Variants in TENT2 observed in about 807,000 individuals in gnomAD.
The protein encoded by TENT2 is terminal nucleotidyltransferase 2, also known as poly(A) RNA polymerase GLD2.
A neutral mutation model predicts 72.2 loss-of-function variants in TENT2; 44 were observed. The observed-to-expected ratio is 0.61, with a 90% CI of 0.48 to 0.78. The LOEUF is 0.78. Among genes scored for constraint, TENT2 ranks in the 30% least tolerant of loss-of-function variants. The pLI is 0.00. For synonymous variants in TENT2, 212 were observed against 192.5 expected (o/e 1.10, Z -0.84); for missense variants, 541 against 569.6 (o/e 0.95, Z 0.51).
intron 1 of TENT2, among the ~76,000 whole-genome samples, chr5:79,615,913 A>G (rs1468668342): frequency 6.7e-6 from 1 of 149,500 alleles, no homozygotes; most frequent in Non-Finnish European, 1.5e-5. Context: ...TTTTGAGACG[A>G]AGTCTCGTTT....
At chr5:79,659,305 T>G (rs954305425) in intron 11 of TENT2, among the ~76,000 whole-genome samples, 2 of 151,124 alleles carry the variant, frequency 1.3e-5, no homozygotes, top group Non-Finnish European at 3.0e-5. Flanking sequence ...GAGGCTAAGG[T>G]GGGTGGATCA....
At chr5:79,646,046 CTGTCT>C (rs1331640712) in intron 8 of TENT2, among the ~76,000 whole-genome samples, 1 of 152,164 alleles carries the variant, frequency 6.6e-6, no homozygotes, top group Non-Finnish European at 1.5e-5. Flanking sequence ...AGGTGACACA[CTGTCT>C]TCTTGTTCAG....
intron 7 of TENT2, chr5:79,644,542 G>T (rs570621197): frequency 6.6e-6 from 1 of 152,016 alleles, no homozygotes; most frequent in African/African-American, 2.4e-5. Context: ...TATGATATAT[G>T]TATGTATGTA....
At chr5:79,635,498 A>G (rs1779371007) in intron 4 of TENT2, among the ~76,000 whole-genome samples, 1 of 152,214 alleles carries the variant, frequency 6.6e-6, no homozygotes, top group Non-Finnish European at 1.5e-5. Flanking sequence ...CTACATTAAC[A>G]AGGTCATTCA....
chr5:79,664,025 A>G (rs910152802), intron 11 of TENT2, among the ~76,000 whole-genome samples: 3 of 152,096 alleles, frequency 2.0e-5, no homozygotes, highest in East Asian at 2.0e-4. Context: ...AATAAAAAAT[A>G]TAACAACTAT....
intron 4 of TENT2, among the ~76,000 whole-genome samples, chr5:79,637,438 T>C (rs1304060476): frequency 6.6e-6 from 1 of 152,128 alleles, no homozygotes; most frequent in Non-Finnish European, 1.5e-5. Flanking sequence ...TTTATTTCAG[T>C]GTTTTTGAGA....
intron 12 of TENT2, among the ~76,000 whole-genome samples, chr5:79,676,249 C>T (rs1034208170): frequency 2.6e-5 from 4 of 151,688 alleles, no homozygotes; most frequent in African/African-American, 7.3e-5. Context: ...TTCTTTATGT[C>T]GCTTAAGACA....
At chr5:79,683,701 G>A (rs542311112) in intron 14 of TENT2, among the ~76,000 whole-genome samples, 96 of 151,702 alleles carry the variant, frequency 6.3e-4, no homozygotes, top group Non-Finnish European at 1.2e-3. Context: ...GGATCACGAG[G>A]TCAGGAGATC....
chr5:79,670,295 A>G (rs1484903761), intron 12 of TENT2, among the ~76,000 whole-genome samples: 2 of 151,750 alleles, frequency 1.3e-5, no homozygotes, highest in Non-Finnish European at 2.9e-5. Context: ...CTGGAGAAGT[A>G]TAAAAAGGTA....
intron 4 of TENT2, 63 bp downstream of exon 4, chr5:79,623,552 A>C: frequency 1.8e-6 from 2 of 1,136,656 alleles, no homozygotes; most frequent in Non-Finnish European, 2.5e-6. Context: ...TGTATTAATC[A>C]AAAATATTTA....
At chr5:79,663,550 G>A (rs1329007185) in intron 11 of TENT2, among the ~76,000 whole-genome samples, 1 of 152,134 alleles carries the variant, frequency 6.6e-6, no homozygotes, top group East Asian at 1.9e-4. Flanking sequence ...CCAAGGAAGG[G>A]GAGAGAGATG....
rs1785537434 is a variant in TENT2 at position 79,642,864 on chromosome 5, A to T, written c.705A>T (p.Ala235=). 5 of 1,611,778 alleles carry T rather than the reference A, an allele frequency of 3.1e-6. No homozygotes were observed. The African/African-American group carries it at 5.3e-5, about 17-fold the overall frequency. The change falls in exon 7 of 15, where the codon GCA becomes GCT. Residue 235 remains alanine, a synonymous_variant. Transcript: ENST00000453514. ...CFFQVNQKTE[A]RHILTLVHKH... ...TTCAGGTAAATCAGAAGACTGAAGC[A>T]CGGCATATACTCACCTTAGTCCATA...
At chr5:79,683,910 C>G (rs530702009) in intron 14 of TENT2, among the ~76,000 whole-genome samples, 1 of 103,772 alleles carries the variant, frequency 9.6e-6, no homozygotes, top group Non-Finnish European at 1.7e-5. Context: ...GGCGACAGAG[C>G]GAGACTCCGT....
chr5:79,669,270 T>C (rs1278406702), intron 12 of TENT2, among the ~76,000 whole-genome samples: 2 of 152,192 alleles, frequency 1.3e-5, no homozygotes, highest in African/African-American at 4.8e-5. Flanking sequence ...TATAGTTCAG[T>C]AGGCCCAGTT....
At chr5:79,679,055 G>A (rs1417338463) in intron 12 of TENT2, among the ~76,000 whole-genome samples, 1 of 152,068 alleles carries the variant, frequency 6.6e-6, no homozygotes, top group Non-Finnish European at 1.5e-5. Context: ...ACAGGTGCAC[G>A]CTACTGCGCC....
intron 12 of TENT2, 102 bp from the exon 13 acceptor site, chr5:79,679,477 T>A (rs747496353): frequency 1.6e-6 from 1 of 636,952 alleles, no homozygotes; most frequent in Non-Finnish European, 2.4e-6. Flanking sequence ...GGTTTCAGTG[T>A]TCCACAAGAA....
At chr5:79,635,886 T>A (rs547073621) in intron 4 of TENT2, among the ~76,000 whole-genome samples, 1 of 152,330 alleles carries the variant, frequency 6.6e-6, no homozygotes, top group East Asian at 1.9e-4. Flanking sequence ...CAACAAATAC[T>A]GAGTACCTAC....
Position 79,641,110 on chromosome 5 carries a change from A to C in TENT2, c.586A>C (p.Arg196=). Residue 196 remains arginine (R), a synonymous_variant, in exon 6 of 15, where the codon AGA becomes CGA. Transcript: ENST00000453514. ...REIQLLFPQS[R]LFLVGSSLNG... is the part of the protein sequence containing the mutation. ...ACTTTCTTCTGTTTCTTTAGAAAGC[A>C]GACTTTTTTTGGTTGGGTCCTCTTT... 6.4e-7 allele frequency: 1 copy of C among 1,572,266 alleles called. No individual in the cohort carries two copies. The highest frequency in any genetic ancestry group is 1.4e-5 in the African/African-American group (1 of 72,026).
At chr5:79,639,857 G>A (rs368258201) in intron 4 of TENT2, among the ~76,000 whole-genome samples, 1 of 152,322 alleles carries the variant, frequency 6.6e-6, no homozygotes, top group African/African-American at 2.4e-5. Flanking sequence ...TAAAAGTCCG[G>A]AAAGGGAGTA....
Sources: allele counts gnomAD v4.1 joint callset (sites outside exome capture counted in the v4.1 genomes callset), GRCh38; gene constraint gnomAD v4.1.1; transcripts MANE v1.5; gene names NCBI Gene and HGNC (gene_info 2026-07-23, HGNC 2026-07-21).